SOX5: variants seen among roughly 807,000 people sequenced by gnomAD.
The protein encoded by SOX5 is transcription factor SOX-5.
Under a neutral mutation model 92.0 loss-of-function variants are expected in SOX5, and 9 were observed. That is an observed-to-expected ratio of 0.10 (90% confidence interval 0.06 to 0.17). The LOEUF (loss-of-function observed/expected upper bound fraction) is 0.17. Among genes scored for constraint, SOX5 ranks in the 10% least tolerant of loss-of-function variants. The pLI is 1.00. For missense variants in SOX5, 642 were observed against 944.5 expected (o/e 0.68, Z 4.20); for synonymous variants, 344 against 336.3 (o/e 1.02, Z -0.25).
At chr12:23,914,010 A>G (rs1342538033) in intron 1 of SOX5, among the ~76,000 whole-genome samples, 1 of 152,180 alleles carries the variant, frequency 6.6e-6, no homozygotes, top group Non-Finnish European at 1.5e-5. Context: ...CTCAACCTTC[A>G]GTTTGTCACA....
chr12:24,326,229 C>T (rs984755434), intron 2 of SOX5, among the ~76,000 whole-genome samples: 10 of 152,080 alleles, frequency 6.6e-5, no homozygotes, highest in African/African-American at 2.4e-4. Flanking sequence ...CATATTCATG[C>T]CATTCCTTAT....
chr12:24,380,831 T>C (rs1216994859), intron 1 of SOX5, among the ~76,000 whole-genome samples: 1 of 152,200 alleles, frequency 6.6e-6, no homozygotes, highest in Non-Finnish European at 1.5e-5. Flanking sequence ...ATCTACAGCA[T>C]AGTTCATATG....
chr12:23,843,370 T>C (rs1011349014), intron 3 of SOX5, among the ~76,000 whole-genome samples: 1 of 152,102 alleles, frequency 6.6e-6, no homozygotes, highest in African/African-American at 2.4e-5. Flanking sequence ...TTAACAAATA[T>C]ACCATACTAA....
intron 8 of SOX5, among the ~76,000 whole-genome samples, chr12:23,632,859 T>C (rs939096490): frequency 1.3e-5 from 2 of 152,180 alleles, no homozygotes; most frequent in Non-Finnish European, 2.9e-5. Context: ...TATTACTAGT[T>C]ACTGAAGCTG....
intron 2 of SOX5, among the ~76,000 whole-genome samples, chr12:24,361,509 A>G (rs1483602696): frequency 1.3e-5 from 2 of 152,166 alleles, no homozygotes; most frequent in African/African-American, 4.8e-5. Flanking sequence ...AAGCCCAAGA[A>G]CAATTCCTGG....
At chr12:23,962,547 T>C (rs1453093588) in intron 4 of SOX5, among the ~76,000 whole-genome samples, 2 of 152,268 alleles carry the variant, frequency 1.3e-5, no homozygotes, top group Non-Finnish European at 1.5e-5. Context: ...TCTAAAATAT[T>C]TGAGAAAAAA....
chr12:23,561,615 G>A (rs1427459391), intron 11 of SOX5, among the ~76,000 whole-genome samples: 1 of 152,112 alleles, frequency 6.6e-6, no homozygotes, highest in Non-Finnish European at 1.5e-5. Context: ...GGAGCTTCAT[G>A]AAGATGAATT....
intron 1 of SOX5, among the ~76,000 whole-genome samples, chr12:24,498,985 C>A (rs975733942): frequency 6.6e-6 from 1 of 152,172 alleles, no homozygotes; most frequent in Non-Finnish European, 1.5e-5. Context: ...TCTTTGCATT[C>A]AAGTGATGGT....
chr12:23,613,132 G>A (rs2076158507), intron 8 of SOX5, among the ~76,000 whole-genome samples: 2 of 152,112 alleles, frequency 1.3e-5, no homozygotes, highest in Non-Finnish European at 2.9e-5. Flanking sequence ...GGCCTTCACT[G>A]TGCTGAATAC....
intron 2 of SOX5, among the ~76,000 whole-genome samples, chr12:24,301,729 A>G (rs1231068070): frequency 6.6e-6 from 1 of 152,216 alleles, no homozygotes; most frequent in Non-Finnish European, 1.5e-5. Flanking sequence ...GCGCACACGT[A>G]AATTTGTACT....
At chr12:24,295,943 G>A (rs1249950172) in intron 2 of SOX5, among the ~76,000 whole-genome samples, 1 of 152,068 alleles carries the variant, frequency 6.6e-6, no homozygotes, top group African/African-American at 2.4e-5. Context: ...CAGGACCTGT[G>A]TGCGGTATAA....
chr12:24,042,418 A>G (rs1956614349), intron 4 of SOX5, among the ~76,000 whole-genome samples: 2 of 152,142 alleles, frequency 1.3e-5, no homozygotes, highest in South Asian at 2.1e-4. Flanking sequence ...AGTAGAATCT[A>G]GAGTTCAATA....
intron 3 of SOX5, among the ~76,000 whole-genome samples, chr12:23,812,295 T>C (rs1594698835): frequency 6.6e-6 from 1 of 152,126 alleles, no homozygotes; most frequent in Non-Finnish European, 1.5e-5. Flanking sequence ...AAGAAACTCA[T>C]GGTCAAATAA....
chr12:24,083,162 A>G (rs1316984045), intron 4 of SOX5, among the ~76,000 whole-genome samples: 1 of 152,000 alleles, frequency 6.6e-6, no homozygotes, highest in Non-Finnish European at 1.5e-5. Flanking sequence ...TTTCAAGTGT[A>G]TTCAATTTGT....
At chr12:23,679,776 A>C (rs941582272) in intron 6 of SOX5, among the ~76,000 whole-genome samples, 9 of 152,218 alleles carry the variant, frequency 5.9e-5, no homozygotes, top group African/African-American at 2.2e-4. Flanking sequence ...CCAAACATTA[A>C]TACACAATTT....
intron 4 of SOX5, among the ~76,000 whole-genome samples, chr12:24,020,675 A>G (rs1954181456): frequency 1.3e-5 from 2 of 152,328 alleles, no homozygotes; most frequent in African/African-American, 4.8e-5. Context: ...GGAAATTGTT[A>G]TGCGAATTGC....
At chr12:24,163,505 C>CT (rs34073608) in intron 4 of SOX5, among the ~76,000 whole-genome samples, 29,165 of 141,678 alleles carry the variant, frequency 0.21, 3,578 homozygotes, top group East Asian at 0.41. Flanking sequence ...TTTTTAATTC[C>CT]TTTTTTTTTT....
chr12:23,749,183 T>G (rs912281819), intron 4 of SOX5, among the ~76,000 whole-genome samples: 1 of 151,872 alleles, frequency 6.6e-6, no homozygotes, highest in Non-Finnish European at 1.5e-5. Context: ...TAATTAGTTC[T>G]TTACATTAAG....
At chr12:23,838,678 C>T (rs192485954) in intron 3 of SOX5, among the ~76,000 whole-genome samples, 2 of 152,038 alleles carry the variant, frequency 1.3e-5, no homozygotes, top group Non-Finnish European at 1.5e-5. Flanking sequence ...GGTACATTGT[C>T]GTAGGAAATA....
Sources: allele counts gnomAD v4.1 joint callset (sites outside exome capture counted in the v4.1 genomes callset), GRCh38; gene constraint gnomAD v4.1.1; transcripts MANE v1.5; gene names NCBI Gene and HGNC (gene_info 2026-07-23, HGNC 2026-07-21).